The following EXOSC10 variants were observed in gnomAD, a reference collection of about 807,000 sequenced individuals.
EXOSC10 encodes the protein exosome component 10.
A neutral mutation model predicts 126.6 loss-of-function variants in EXOSC10; 94 were observed. The ratio of observed to expected loss-of-function variants is 0.74; its 90% CI spans 0.63 to 0.88. EXOSC10 has a LOEUF of 0.88. EXOSC10 is among the 40% of genes least tolerant of loss of function. The pLI is 0.00. For missense variants in EXOSC10, 1,041 were observed against 1,100.5 expected (o/e 0.95, Z 0.77); for synonymous variants, 395 against 400.8 (o/e 0.99, Z 0.17).
chr1:11,068,576 T>C, intron 23 of EXOSC10, 69 bp downstream of exon 23: 2 of 1,212,666 alleles, frequency 1.6e-6, no homozygotes, highest in Non-Finnish European at 2.5e-6. Flanking sequence ...GGGCCTGTCT[T>C]CTCAGCAGAG....
Position 11,078,264 on chromosome 1 carries a change from C to CTTTTTTTTTTTTT in EXOSC10, c.1750-614_1750-613insAAAAAAAAAAAAA, listed in dbSNP as rs1220119181. 1.2e-3 allele frequency among the ~76,000 whole-genome samples: 175 copies of CTTTTTTTTTTTTT among 143,646 alleles called. 7 individuals carry two copies. Among genetic ancestry groups the CTTTTTTTTTTTTT allele is most frequent in the African/African-American group, 4.4e-3 (167 of 38,326 alleles). 94.2% of individuals were successfully genotyped at this position (143,646 alleles called of 152,430 possible). A position where few individuals can be genotyped will look rare whatever the true frequency, so the allele number is the denominator to read the frequency against. Reference sequence around the variant, plus strand: ...TGGGTGTCAGAGCAAGACCCTGTTTCTTTTTTTTTTTGAGACGGAGTCTCG... The same window carrying CTTTTTTTTTTTTT: ...TGGGTGTCAGAGCAAGACCCTGTTTCTTTTTTTTTTTTTTTTTTTTTTTTGAGACGGAGTCTCG... On this transcript the variant is annotated intron_variant, in intron 14 of 24. Coordinates refer to ENST00000376936, the MANE Select transcript of EXOSC10 (RefSeq NM_001001998.3).
At chr1:11,070,295 G>C (rs1318072825) in intron 21 of EXOSC10, among the ~76,000 whole-genome samples, 1 of 147,752 alleles carries the variant, frequency 6.8e-6, no homozygotes, top group Non-Finnish European at 1.5e-5. Context: ...AGGAAAGGCA[G>C]GGGGCAGGGG....
In EXOSC10 at chr1:11,069,577, C is replaced by G. The variant is rs780261334; in HGVS notation, c.2470G>C (p.Asp824His). 9.3e-6 allele frequency: 15 copies of G among 1,613,212 alleles called. No homozygotes were observed. Among genetic ancestry groups the G allele is most frequent in the Non-Finnish European group, 1.3e-5 (15 of 1,179,900 alleles). Reference sequence around the variant, plus strand: ...TCCTCACCAGCAAAAGCCTTGAAGTCTGACTGGCTGTAGTCGTAAGGCGTA... The same window carrying G: ...TCCTCACCAGCAAAAGCCTTGAAGTGTGACTGGCTGTAGTCGTAAGGCGTA... ...EFTPYDYSQS[D>H]FKAFAGNSKS... is the part of the protein sequence containing the mutation. Residue 824 changes from aspartate to histidine, a missense_variant, in exon 22 of 25, where the codon GAC (aspartate) becomes CAC (histidine). Physicochemically the swap from Asp to His is moderately conservative, Grantham distance 81 (BLOSUM62 -1). This residue lies in a region of EXOSC10 where 388 missense variants were observed against 415.2 expected (regional missense o/e 0.93). Coordinates refer to ENST00000376936, the MANE Select transcript of EXOSC10 (RefSeq NM_001001998.3).
At chr1:11,069,831 TAAG>T (rs1235899959) in intron 21 of EXOSC10, 101 bp from the exon 22 acceptor site, 11 of 1,272,254 alleles carry the variant, frequency 8.6e-6, no homozygotes, top group East Asian at 7.0e-5. Context: ...GCCTAAGTGG[TAAG>T]AAGAACAGTC....
At chr1:11,085,057 A>T (rs1389102163) in intron 9 of EXOSC10, among the ~76,000 whole-genome samples, 1 of 152,124 alleles carries the variant, frequency 6.6e-6, no homozygotes. Context: ...GAAGTCAGGT[A>T]GTGTGATGCC....
chr1:11,080,480 A>C lies in EXOSC10; in HGVS notation c.1637+19T>G, dbSNP rs1640081434. On this transcript the variant is annotated intron_variant, in intron 13 of 24. Coordinates refer to ENST00000376936, the MANE Select transcript of EXOSC10 (RefSeq NM_001001998.3). ...TCTACTGAGAAAGTCAGAACATATT[A>C]ATCAGATTTGAAACTCACTTAGGCA... 6 of 1,613,260 alleles carry C rather than the reference A, an allele frequency of 3.7e-6. No homozygotes were observed. The East Asian group carries it at 1.1e-4, about 30-fold the overall frequency.
chr1:11,085,785 G>C (rs1470541422), intron 9 of EXOSC10, among the ~76,000 whole-genome samples: 1 of 150,286 alleles, frequency 6.7e-6, no homozygotes, highest in Admixed American at 6.6e-5. Flanking sequence ...ATTATTTTGA[G>C]ATACGTCCCA....
At chr1:11,080,112 C>T (rs1326361341) in intron 13 of EXOSC10, among the ~76,000 whole-genome samples, 3 of 152,196 alleles carry the variant, frequency 2.0e-5, no homozygotes, top group South Asian at 2.1e-4. Context: ...GGGCAACCAA[C>T]GGGCTGTGGA....
chr1:11,090,712 GTCTTT>G (rs1640758338), intron 5 of EXOSC10, 44 bp from the exon 6 acceptor site: 12 of 1,410,556 alleles, frequency 8.5e-6, no homozygotes, highest in Non-Finnish European at 1.2e-5. Context: ...GCACATTCAT[GTCTTT>G]TCTAATTACA....
chr1:11,072,143 A>T lies in EXOSC10; in HGVS notation c.2186T>A (p.Val729Glu), dbSNP rs1430970843. 6.2e-7 allele frequency: 1 copy of T among 1,613,638 alleles called. No individual in the cohort carries two copies. Among genetic ancestry groups the T allele is most frequent in the Non-Finnish European group, 8.5e-7 (1 of 1,179,864 alleles). The change falls in exon 20 of 25, where the codon GTA becomes GAA. Residue 729 changes from valine (V) to glutamate (E), a missense_variant. This residue lies in a region of EXOSC10 where 388 missense variants were observed against 415.2 expected (regional missense o/e 0.93). Transcript: ENST00000376936. ...EISNRWKLAQVQVQKDSKEAV... is the reference protein window; with the variant it reads ...EISNRWKLAQEQVQKDSKEAV... The stretch of plus-strand genomic sequence containing the variant: ...TTCTTTAGAGTCTTTTTGTACTTGT[A>T]CCTGGGCCAGCTTCCAGCGGTTGCT...
chr1:11,097,971 T>G, intron 2 of EXOSC10, 49 bp downstream of exon 2: 2 of 1,446,886 alleles, frequency 1.4e-6, no homozygotes, highest in Non-Finnish European at 1.8e-6. Context: ...TCTACTTCTT[T>G]GTTTTCATTT....
chr1:11,087,226 C>T (rs1258524892), intron 9 of EXOSC10, among the ~76,000 whole-genome samples: 1 of 152,124 alleles, frequency 6.6e-6, no homozygotes, highest in Non-Finnish European at 1.5e-5. Flanking sequence ...CTGCAGTAGT[C>T]ATTAAAATGA....
intron 3 of EXOSC10, 47 bp from the exon 4 acceptor site, chr1:11,091,644 A>G (rs371886504): frequency 7.0e-7 from 1 of 1,430,704 alleles, no homozygotes; most frequent in Non-Finnish European, 9.8e-7. Flanking sequence ...TTTTGAGGTT[A>G]GCAGAGTTAA....
intron 7 of EXOSC10, 103 bp from the exon 8 acceptor site, chr1:11,088,013 T>C (rs942059408): frequency 1.6e-5 from 20 of 1,251,196 alleles, no homozygotes; most frequent in Non-Finnish European, 2.2e-5. Context: ...AAACTGTAAC[T>C]TTCTCCCTTA....
intron 13 of EXOSC10, 81 bp from the exon 14 acceptor site, chr1:11,079,903 G>T: frequency 1.7e-6 from 2 of 1,147,448 alleles, no homozygotes; most frequent in Non-Finnish European, 2.6e-6. Context: ...TAATGACTGG[G>T]TAAAGCCAGG....
chr1:11,090,551 T>TA lies in EXOSC10; in HGVS notation c.758+2dup. The TA allele has an allele frequency of 6.2e-7, 1 of 1,612,798 alleles. No homozygotes were observed. The highest frequency in any genetic ancestry group is 8.5e-7 in the Non-Finnish European group (1 of 1,178,886). ...AGAAAGTCAGACACAGGCCAACACT[T>TA]ACATGTCTTGCTCAACCTGCTGGGT... On this transcript the variant is annotated splice_region_variant and intron_variant, in intron 6 of 24. Transcript: ENST00000376936.
intron 10 of EXOSC10, among the ~76,000 whole-genome samples, chr1:11,081,638 T>G (rs995571008): frequency 1.3e-5 from 2 of 152,182 alleles, no homozygotes; most frequent in South Asian, 4.1e-4. Flanking sequence ...TTGTGAGGAC[T>G]ACACAGGACC....
At chr1:11,076,344 T>C (rs1366359680) in intron 17 of EXOSC10, among the ~76,000 whole-genome samples, 9 of 148,338 alleles carry the variant, frequency 6.1e-5, no homozygotes, top group African/African-American at 2.5e-5. Context: ...CAAGATTGTC[T>C]CAAAAAAAAA....
chr1:11,073,532 T>C (rs955727273), intron 19 of EXOSC10, among the ~76,000 whole-genome samples: 1 of 152,140 alleles, frequency 6.6e-6, no homozygotes, highest in Non-Finnish European at 1.5e-5. Flanking sequence ...GATTCACAGA[T>C]GAGATAGGCT....
Sources: allele counts gnomAD v4.1 joint callset (sites outside exome capture counted in the v4.1 genomes callset), GRCh38; gene constraint gnomAD v4.1.1; regional missense constraint gnomAD v4.1.1; transcripts MANE v1.5; gene names NCBI Gene and HGNC (gene_info 2026-07-23, HGNC 2026-07-21).